The following PWP1 variants were observed in gnomAD, a reference collection of about 807,000 sequenced individuals.
The protein encoded by PWP1 is PWP1 homolog, endonuclein.
A neutral mutation model predicts 69.9 loss-of-function variants in PWP1; 47 were observed. That is an observed-to-expected ratio of 0.67 (90% CI 0.53 to 0.86). PWP1 has a LOEUF of 0.86. Among genes scored for constraint, PWP1 ranks in the 40% least tolerant of loss-of-function variants. The probability of loss-of-function intolerance (pLI) is 0.00; values close to 1 mark genes in which losing one functional copy is unlikely to be tolerated. For missense variants in PWP1, 551 were observed against 608.8 expected, an observed-to-expected ratio of 0.91 and a Z score of 1.00; for synonymous variants, 222 against 208.2, an observed-to-expected ratio of 1.07 and a Z score of -0.57.
At chr12:107,708,347 C>G (rs1889870498) in intron 11 of PWP1, among the ~76,000 whole-genome samples, 1 of 152,168 alleles carries the variant, frequency 6.6e-6, no homozygotes, top group Non-Finnish European at 1.5e-5. Context: ...CTTGTACTGG[C>G]TGTTGCCCTT....
intron 13 of PWP1, 152 bp from the exon 14 acceptor site, chr12:107,710,253 T>C: frequency 7.9e-7 from 1 of 1,269,936 alleles, no homozygotes; most frequent in Non-Finnish European, 1.0e-6. Flanking sequence ...GACTTGACTC[T>C]GAGCTACCTT....
rs551734317 is a variant in PWP1, at chr12:107,694,344, C to G, written c.502+1248C>G. The stretch of plus-strand genomic sequence containing the variant: ...GAAGAGATTATTAGGCTGATAAGTC[C>G]TTTTGTTATAGGAAACACAGTTGCA... On this transcript the variant is annotated intron_variant, in intron 5 of 14. Coordinates refer to ENST00000412830, the MANE Select transcript of PWP1 (RefSeq NM_007062.3). Among the ~76,000 whole-genome samples, 4 of 152,242 alleles carry G rather than the reference C, an allele frequency of 2.6e-5. 1 individual carries two copies. Among genetic ancestry groups the G allele is most frequent in the South Asian group, 2.1e-4 (1 of 4,816 alleles).
At chr12:107,697,673 C>A in intron 7 of PWP1, 76 bp downstream of exon 7, 3 of 1,390,922 alleles carry the variant, frequency 2.2e-6, no homozygotes, top group East Asian at 2.4e-5. Flanking sequence ...AGGGTAAGAC[C>A]GTACACTTTT....
rs1289209305 is a variant in PWP1 at position 107,712,765 on chromosome 12, C to CTGT, written c.*547_*549dup. On this transcript the variant is annotated 3_prime_UTR_variant, in exon 15 of 15. Coordinates refer to ENST00000412830, the MANE Select transcript of PWP1 (RefSeq NM_007062.3). ...CCCTGTTTTCCTAGCATGATATTCACTGTTATCAAAGACAAGAGGCAGACC... is the reference window on the plus strand; with the variant it reads ...CCCTGTTTTCCTAGCATGATATTCACTGTTGTTATCAAAGACAAGAGGCAGACC... 2.6e-5 allele frequency: 4 copies of CTGT among 152,768 alleles called. No individual in the cohort carries two copies. The highest frequency in any genetic ancestry group is 2.1e-4 in the South Asian group (1 of 4,852). 9.5% of individuals were successfully genotyped at this position (152,768 alleles called of 1,614,324 possible). A position where few individuals can be genotyped will look rare whatever the true frequency, so the allele number is the denominator to read the frequency against.
chr12:107,696,344 T>A, intron 5 of PWP1, 130 bp from the exon 6 acceptor site: 1 of 1,342,102 alleles, frequency 7.5e-7, no homozygotes. Context: ...GGAATCTCTT[T>A]ATAATATCAG....
Position 107,697,411 on chromosome 12 carries a change from A to C in PWP1, c.614-56A>C, listed in dbSNP as rs1037357182. On this transcript the variant is annotated intron_variant, in intron 6 of 14. Coordinates refer to ENST00000412830, the MANE Select transcript of PWP1 (RefSeq NM_007062.3). ...AATCTACAGTATAATGTATTTGATT[A>C]GAAGTTCTGTATGTCTTTTTTTGTG... The C allele has an allele frequency of 1.1e-5, 17 of 1,504,110 alleles. No homozygotes were observed. The African/African-American group carries it at 2.1e-4, about 19-fold the overall frequency. 93.2% of individuals were successfully genotyped at this position (1,504,110 alleles called of 1,614,324 possible).
intron 7 of PWP1, among the ~76,000 whole-genome samples, chr12:107,698,793 A>G (rs1050257007): frequency 3.9e-5 from 6 of 152,096 alleles, no homozygotes; most frequent in Admixed American, 6.6e-5. Flanking sequence ...GAGTTTCGCT[A>G]TGTTGCCTGG....
intron 8 of PWP1, among the ~76,000 whole-genome samples, chr12:107,701,743 T>A (rs754294249): frequency 4.6e-5 from 7 of 152,156 alleles, no homozygotes; most frequent in Admixed American, 1.3e-4. Flanking sequence ...AGTGGTGTGA[T>A]CTCAGCTCAC....
chr12:107,703,371 G>A (rs1266273109), intron 9 of PWP1, among the ~76,000 whole-genome samples: 1 of 152,130 alleles, frequency 6.6e-6, no homozygotes, highest in Non-Finnish European at 1.5e-5. Flanking sequence ...ATTATTTTGG[G>A]ACTTCTGGAG....
In PWP1 at chr12:107,693,092, G is replaced by T; in HGVS notation, c.498G>T (p.Val166=). 1 of 1,600,488 alleles carries T rather than the reference G, an allele frequency of 6.2e-7. No homozygotes were observed. The highest frequency in any genetic ancestry group is 1.3e-5 in the African/African-American group (1 of 74,268). ...AACAGGACCAGTGCAATTTAGAGGT[G>T]CATGGTAAGTGATAAATCCCTTATT... ...RAEQDQCNLE[V]HVYNQEEDSF... Residue 166 remains valine, a synonymous_variant, in exon 5 of 15, where the codon GTG becomes GTT. Coordinates refer to ENST00000412830, the MANE Select transcript of PWP1 (RefSeq NM_007062.3).
chr12:107,703,000 C>G lies in PWP1; in HGVS notation c.872C>G (p.Pro291Arg). The change falls in exon 9 of 15, where the codon CCA becomes CGA. Residue 291 changes from proline to arginine, a missense_variant. Physicochemically the swap from Pro to Arg is moderately radical, Grantham distance 103 (BLOSUM62 -2). Coordinates refer to ENST00000412830, the MANE Select transcript of PWP1 (RefSeq NM_007062.3). ...VILWDMSLGK[P>R]AASLAVHTDK... The stretch of plus-strand genomic sequence containing the variant: ...CTGTGGGATATGTCCTTGGGGAAAC[C>G]AGCAGCTAGCCTCGCTGTACACACA... The G allele has an allele frequency of 6.2e-7, 1 of 1,610,430 alleles. No individual in the cohort carries two copies.
At chr12:107,703,504 C>G (rs1222152622) in intron 9 of PWP1, among the ~76,000 whole-genome samples, 181 bp from the exon 10 acceptor site, 1 of 152,146 alleles carries the variant, frequency 6.6e-6, no homozygotes. Context: ...TAAGTGCCAG[C>G]CTTTATGTGG....
At chr12:107,709,303 T>C in intron 13 of PWP1, 71 bp downstream of exon 13, 1 of 1,543,900 alleles carries the variant, frequency 6.5e-7, no homozygotes, top group Non-Finnish European at 8.8e-7. Context: ...GGAACTTGTG[T>C]TGCGTGTTTT....
rs1220274219 is a variant in PWP1 at position 107,692,894 on chromosome 12, G to T, written c.400G>T (p.Asp134Tyr). 2 of 1,613,748 alleles carry T rather than the reference G, an allele frequency of 1.2e-6. No homozygotes were observed. Among genetic ancestry groups the T allele is most frequent in the Admixed American group, 3.3e-5 (2 of 59,968 alleles). Residue 134 changes from aspartate (D) to tyrosine (Y), a missense_variant, in exon 4 of 15, where the codon GAT (aspartate) becomes TAT (tyrosine). Transcript: ENST00000412830. ...NDQDPYVTLK[D>Y]TEQYEREDFL... is the part of the protein sequence containing the mutation. The stretch of plus-strand genomic sequence containing the variant: ...TCAAGATCCTTACGTTACTCTGAAA[G>T]ATACAGTAAGTATTTACATCTTTTT...
At position 107,712,198 on chromosome 12, in the gene PWP1, C is replaced by T. The variant is rs775294296; in HGVS notation, c.1484C>T (p.Ser495Leu). ...AGTGGCCCTTTTGGCAGCAGGAGCT[C>T]AGATACACCCATGGAGTCTTAATGA... ...SISGPFGSRS[S>L]DTPMES Residue 495 changes from serine to leucine, a missense_variant, in exon 15 of 15, where the codon TCA becomes TTA. Transcript: ENST00000412830. 1 of 1,613,174 alleles carries T rather than the reference C, an allele frequency of 6.2e-7. No individual in the cohort carries two copies. The highest frequency in any genetic ancestry group is 1.1e-5 in the South Asian group (1 of 91,068).
At chr12:107,697,438 A>T in intron 6 of PWP1, 29 bp from the exon 7 acceptor site, 1 of 1,540,714 alleles carries the variant, frequency 6.5e-7, no homozygotes, top group Non-Finnish European at 8.7e-7. Flanking sequence ...TTTTTTGTGT[A>T]ATCATACATG....
chr12:107,709,326 A>G lies in PWP1; in HGVS notation c.1290+94A>G, dbSNP rs567495450. 1.7e-5 allele frequency: 25 copies of G among 1,452,680 alleles called. 1 individual carries two copies. Among genetic ancestry groups the G allele is most frequent in the South Asian group, 1.0e-4 (8 of 78,534 alleles). The allele number at this position is 1,452,680 out of a possible 1,614,324, so 90.0% of individuals were successfully genotyped here. ...TGTTGCGTGTTTTTCTGTTGGAACT[A>G]TTGCATTAACAAATATGGATGTGTT... On this transcript the variant is annotated intron_variant, in intron 13 of 14. Transcript: ENST00000412830.
rs1889349794 is a variant in PWP1, at chr12:107,685,814, A to G, written c.-86A>G. On this transcript the variant is annotated 5_prime_UTR_variant, in exon 1 of 15. Transcript: ENST00000412830. Reference sequence around the variant, plus strand: ...CTGCCCTGGCAGCGGCCCTGTGCAGATCCCTGAGCGTGTGGCAGCAGTGCG... The same window carrying G: ...CTGCCCTGGCAGCGGCCCTGTGCAGGTCCCTGAGCGTGTGGCAGCAGTGCG... 6.8e-7 allele frequency: 1 copy of G among 1,461,592 alleles called. No individual in the cohort carries two copies. The highest frequency in any genetic ancestry group is 1.1e-5 in the South Asian group (1 of 86,996). The allele number at this position is 1,461,592 out of a possible 1,614,324, so 90.5% of individuals were successfully genotyped here. A position where few individuals can be genotyped will look rare whatever the true frequency, so the allele number is the denominator to read the frequency against.
chr12:107,685,827 T>C lies in PWP1; in HGVS notation c.-73T>C. The C allele has an allele frequency of 1.3e-6, 2 of 1,515,512 alleles. No individual in the cohort carries two copies. 93.9% of individuals were successfully genotyped at this position (1,515,512 alleles called of 1,614,324 possible). On this transcript the variant is annotated 5_prime_UTR_variant, in exon 1 of 15. Coordinates refer to ENST00000412830, the MANE Select transcript of PWP1 (RefSeq NM_007062.3). ...GGCCCTGTGCAGATCCCTGAGCGTG[T>C]GGCAGCAGTGCGGTCGTGGTCCCTC... is the stretch of plus-strand genomic sequence containing the variant.
Sources: gnomAD v4.1 joint callset for allele counts (sites outside exome capture counted in the v4.1 genomes callset) on GRCh38, gnomAD v4.1.1 for gene constraint, MANE v1.5 for transcripts, NCBI Gene and HGNC (gene_info 2026-07-23, HGNC 2026-07-21) for gene names.